CDH26: variants seen among roughly 807,000 people sequenced by gnomAD.
CDH26 encodes the protein cadherin-like protein 26.
A neutral mutation model predicts 90.3 loss-of-function variants in CDH26; 83 were observed. That is an observed-to-expected ratio of 0.92 (90% CI 0.77 to 1.10). CDH26 has a LOEUF of 1.10. Ranked by LOEUF, CDH26 falls within the 50% of genes least tolerant of loss-of-function variation. The pLI, the probability that CDH26 is intolerant of heterozygous loss-of-function variation, is 0.00. For missense variants in CDH26, 1,013 were observed against 1,037.6 expected, an observed-to-expected ratio of 0.98 and a Z score of 0.33; for synonymous variants, 397 against 396.3, an observed-to-expected ratio of 1.00 and a Z score of -0.02.
rs2122800620 is a variant in CDH26 at position 60,030,898 on chromosome 20, G to A, written c.948-333G>A. 6.6e-6 allele frequency among the ~76,000 whole-genome samples: 1 copy of A among 152,316 alleles called. No homozygotes were observed. Among genetic ancestry groups the A allele is most frequent in the East Asian group, 1.9e-4 (1 of 5,188 alleles). On this transcript the variant is annotated intron_variant, in intron 7 of 8. Transcript: ENST00000370991. This position sits in a 1 kb window ranked among gnomAD's most constrained non-coding sequence, Gnocchi z 4.0. ...ATTCAAGTTTTTGGAAACCAGCCCG[G>A]AGTGAAAACATTTCCTTCAAAAGTT...
At chr20:60,004,801 C>A (rs1182348676) in intron 16 of CDH26, among the ~76,000 whole-genome samples, 3 of 149,694 alleles carry the variant, frequency 2.0e-5, no homozygotes, top group African/African-American at 4.9e-5. Flanking sequence ...GAAAAAAACA[C>A]CTACACATAG....
chr20:59,960,085 G>A (rs369144385), intron 1 of CDH26, among the ~76,000 whole-genome samples: 1 of 152,096 alleles, frequency 6.6e-6, no homozygotes, highest in African/African-American at 2.4e-5. Flanking sequence ...TTCACAGCCC[G>A]CTGGGGACCT....
intron 4 of CDH26, among the ~76,000 whole-genome samples, chr20:59,975,121 C>G (rs1359275500): frequency 6.6e-6 from 1 of 152,036 alleles, no homozygotes; most frequent in Non-Finnish European, 1.5e-5. Context: ...ATTGTGTCTC[C>G]CAAAAATACA....
At chr20:60,009,101 GC>G (rs1384250989) in intron 17 of CDH26, among the ~76,000 whole-genome samples, 1 of 152,222 alleles carries the variant, frequency 6.6e-6, no homozygotes, top group Non-Finnish European at 1.5e-5. Context: ...CACTGAAGAA[GC>G]AATGAAAGAA....
chr20:59,987,478 G>A lies in CDH26; in HGVS notation c.863G>A (p.Arg288Gln), dbSNP rs377299993. 3.2e-5 allele frequency: 51 copies of A among 1,611,910 alleles called. No individual in the cohort carries two copies. The East Asian group carries it at 3.8e-4, about 12-fold the overall frequency. The change falls in exon 8 of 18, where the codon CGA becomes CAA. Residue 288 changes from arginine to glutamine, a missense_variant. By Grantham distance (43) the Arg-to-Gln change is conservative. Coordinates refer to ENST00000348616, the MANE Select transcript of CDH26 (RefSeq NM_177980.4). ...ENYKVQIPEG[R>Q]ASQGVLRLLV... ...TATAAGGTTCAGATTCCTGAAGGCC[G>A]AGCCAGCCAGGGCGTGTTGCGTCTC...
intron 13 of CDH26, among the ~76,000 whole-genome samples, chr20:59,998,634 G>C (rs547106551): frequency 6.6e-6 from 1 of 152,282 alleles, no homozygotes; most frequent in African/African-American, 2.4e-5. Context: ...CTCCATTCCT[G>C]CTTCAGTATC....
Position 60,001,372 on chromosome 20 carries a change from GAGTC to G in CDH26, c.2134_2137del (p.Ser712ProfsTer21). 2 of 1,613,996 alleles carry G rather than the reference GAGTC, an allele frequency of 1.2e-6. No homozygotes were observed. ...TCGAGGAAGTGCCTCCATCTGCAGC[GAGTC>G]AGTCAGCCCAAGCACGCTGTGCTCT... On this transcript the variant is annotated frameshift_variant, in exon 15 of 18. Transcript: ENST00000348616. LOFTEE classifies it high-confidence loss of function.
chr20:59,999,557 T>G (rs765072639), intron 13 of CDH26, 29 bp from the exon 14 acceptor site: 3 of 1,588,496 alleles, frequency 1.9e-6, no homozygotes, highest in East Asian at 4.5e-5. Context: ...TTTCAGCCCT[T>G]GTCATATTTC....
intron 4 of CDH26, among the ~76,000 whole-genome samples, chr20:59,981,976 C>G (rs906791277): frequency 6.6e-6 from 1 of 151,940 alleles, no homozygotes; most frequent in African/African-American, 2.4e-5. Flanking sequence ...TCTGTTTCTT[C>G]TTGAGAAAGT....
chr20:60,011,585 C>T (rs902971663), intron 17 of CDH26, among the ~76,000 whole-genome samples: 1 of 152,174 alleles, frequency 6.6e-6, no homozygotes, highest in African/African-American at 2.4e-5. Context: ...CACAGCTCAG[C>T]CCTGCCATTG....
rs1305364034 is a variant in CDH26 at position 59,958,792 on chromosome 20, G to A, written c.66G>A (p.Leu22=). ...TTCTAGTGCTGCTGCTGTGGCTGCT[G>A]CAGGTAAGCTGAGCCTGCAGCCTAG... ...LLLLVLLLWL[L]QVSIIDSVQQ... is the part of the protein sequence containing the mutation. The change falls in exon 1 of 18, where the codon CTG becomes CTA. Residue 22 remains leucine, a synonymous_variant. Transcript: ENST00000348616. The A allele has an allele frequency of 6.2e-7, 1 of 1,613,570 alleles. No homozygotes were observed. The highest frequency in any genetic ancestry group is 1.1e-5 in the South Asian group (1 of 91,050).
rs1295721220 is a variant in CDH26, at chr20:59,994,218, A to G, written c.1427-32A>G. The G allele has an allele frequency of 2.5e-6, 4 of 1,612,926 alleles. No homozygotes were observed. The Admixed American group carries it at 5.0e-5, about 20-fold the overall frequency. On this transcript the variant is annotated intron_variant, in intron 10 of 17. Transcript: ENST00000348616. ...CTCCAGAGCTGTGTGTGCACGAGAT[A>G]AACAACTCCTGAAACTTCCTCCCCA...
In CDH26 at chr20:59,967,880, C is replaced by CT. The variant is rs1195650307; in HGVS notation, c.70-1087_70-1086insT. Among the ~76,000 whole-genome samples, 235 of 74,962 alleles carry CT rather than the reference C, an allele frequency of 3.1e-3. 4 individuals are homozygous for CT. The highest frequency in any genetic ancestry group is 0.019 in the African/African-American group (217 of 11,628). The allele number at this position is 74,962 out of a possible 152,430, so 49.2% of individuals were successfully genotyped here. A position where few individuals can be genotyped will look rare whatever the true frequency, so the allele number is the denominator to read the frequency against. ...TTCTTTCTTTCTTTCTTTCTTTCTTCCTTCCTTCCTTCCTTCCTTCCTTCC... is the reference window on the plus strand; with the variant it reads ...TTCTTTCTTTCTTTCTTTCTTTCTTCTCTTCCTTCCTTCCTTCCTTCCTTCC... On this transcript the variant is annotated intron_variant, in intron 1 of 17. Transcript: ENST00000348616.
Position 59,984,621 on chromosome 20 carries a change from T to C in CDH26, c.542-18T>C, listed in dbSNP as rs1483515196. On this transcript the variant is annotated intron_variant, in intron 5 of 17. Transcript: ENST00000348616. Reference sequence around the variant, plus strand: ...CTACCTTTATCTGATAGTAACAATTTTTAAAAATTCTTTCTAGGGCAACCT... The same window carrying C: ...CTACCTTTATCTGATAGTAACAATTCTTAAAAATTCTTTCTAGGGCAACCT... The C allele has an allele frequency of 6.2e-7, 1 of 1,601,594 alleles. No individual in the cohort carries two copies. The highest frequency in any genetic ancestry group is 8.5e-7 in the Non-Finnish European group (1 of 1,175,608).
intron 4 of CDH26, among the ~76,000 whole-genome samples, chr20:59,973,297 A>G (rs6027217): frequency 0.7 from 105,918 of 152,156 alleles, 38,633 homozygotes; most frequent in African/African-American, 0.92. Context: ...CCTAGTGATG[A>G]TCATGGTCTG....
chr20:59,963,947 A>G (rs773298559), intron 1 of CDH26, among the ~76,000 whole-genome samples: 4 of 152,098 alleles, frequency 2.6e-5, no homozygotes, highest in Non-Finnish European at 5.9e-5. Context: ...CCACAGACCC[A>G]AGCTGAGGAC....
rs566482762 is a variant in CDH26 at position 60,014,211 on chromosome 20, C to T, written c.*1481C>T. 2 of 152,114 alleles carry T rather than the reference C, an allele frequency of 1.3e-5. No individual in the cohort carries two copies. The highest frequency in any genetic ancestry group is 4.1e-4 in the South Asian group (2 of 4,820). 9.4% of individuals were successfully genotyped at this position (152,114 alleles called of 1,614,324 possible). ...TGTACATATTTAGGGGGTACATAGT[C>T]ATGTTTCAATACATTTACAGTGATC... On this transcript the variant is annotated 3_prime_UTR_variant, in exon 18 of 18. Transcript: ENST00000348616.
chr20:59,958,492 A>G lies in CDH26; in HGVS notation c.-235A>G. 5.6e-6 allele frequency: 3 copies of G among 537,836 alleles called. No homozygotes were observed. Among genetic ancestry groups the G allele is most frequent in the Non-Finnish European group, 1.0e-5 (3 of 299,716 alleles). The allele number at this position is 537,836 out of a possible 1,614,324, so 33.3% of individuals were successfully genotyped here. ...CTACCCCACCCTTCCTAGGAACTCTACTTGTGGCAAACGTATGTTCAAGCT... is the reference window on the plus strand; with the variant it reads ...CTACCCCACCCTTCCTAGGAACTCTGCTTGTGGCAAACGTATGTTCAAGCT... On this transcript the variant is annotated 5_prime_UTR_variant, in exon 1 of 18. Coordinates refer to ENST00000348616, the MANE Select transcript of CDH26 (RefSeq NM_177980.4).
intron 4 of CDH26, among the ~76,000 whole-genome samples, chr20:59,982,228 G>A (rs1015598547): frequency 6.6e-6 from 1 of 152,196 alleles, no homozygotes; most frequent in African/African-American, 2.4e-5. Flanking sequence ...GGTTACATGC[G>A]ATTACGTTGG....
Sources: allele counts gnomAD v4.1 joint callset (sites outside exome capture counted in the v4.1 genomes callset), GRCh38; gene constraint gnomAD v4.1.1; non-coding constraint Gnocchi (gnomAD v3.1); transcripts MANE v1.5; gene names NCBI Gene and HGNC (gene_info 2026-07-23, HGNC 2026-07-21).